C1QTNF7: variants seen among roughly 807,000 people sequenced by gnomAD.
C1QTNF7 encodes C1q and TNF related 7.
A neutral mutation model predicts 19.6 loss-of-function variants in C1QTNF7; 15 were observed. The ratio of observed to expected loss-of-function variants is 0.76; its 90% confidence interval spans 0.51 to 1.18. The LOEUF is 1.18. Among genes scored for constraint, C1QTNF7 ranks in the 50% most tolerant of loss-of-function variants. The probability of loss-of-function intolerance (pLI) is 0.00; values close to 1 mark genes in which losing one functional copy is unlikely to be tolerated. For missense variants in C1QTNF7, 324 were observed against 359.7 expected, an observed-to-expected ratio of 0.90 and a Z score of 0.80; for synonymous variants, 142 against 137.5, an observed-to-expected ratio of 1.03 and a Z score of -0.23.
chr4:15,356,364 C>G (rs1717147300), intron 1 of C1QTNF7, among the ~76,000 whole-genome samples: 1 of 148,740 alleles, frequency 6.7e-6, no homozygotes, highest in Non-Finnish European at 1.5e-5. Context: ...GTTTTCTGTT[C>G]CTGTGTTAGT....
chr4:15,410,228 A>T (rs1440008584), intron 1 of C1QTNF7, among the ~76,000 whole-genome samples: 2 of 152,160 alleles, frequency 1.3e-5, no homozygotes, highest in African/African-American at 4.8e-5. Context: ...TTATGTTTGC[A>T]TTTAATTTTT....
At chr4:15,420,826 C>CTTTTTTTTTTTTTTTTTTTT (rs61609914) in intron 1 of C1QTNF7, among the ~76,000 whole-genome samples, 2 of 66,242 alleles carry the variant, frequency 3.0e-5, no homozygotes, top group African/African-American at 1.2e-4. Flanking sequence ...ACTGCTTTGT[C>CTTTTTTTTTTTTTTTTTTTT]TTTTTTTTTT....
intron 1 of C1QTNF7, among the ~76,000 whole-genome samples, chr4:15,356,237 C>A (rs1297191500): frequency 6.6e-6 from 1 of 152,094 alleles, no homozygotes; most frequent in Non-Finnish European, 1.5e-5. Flanking sequence ...TCTCCGAATG[C>A]TATCCCTCCC....
chr4:15,424,204 A>G (rs1711931799), upstream of C1QTNF7, among the ~76,000 whole-genome samples: 2 of 152,152 alleles, frequency 1.3e-5, no homozygotes, highest in Non-Finnish European at 2.9e-5. Context: ...CAAATTTTCT[A>G]TTTTATATCC....
Position 15,419,397 on chromosome 4 carries a change from A to G in C1QTNF7, c.14-16339A>G, listed in dbSNP as rs371837061. Among the ~76,000 whole-genome samples the G allele has an allele frequency of 2.0e-5, 3 of 152,358 alleles. No individual in the cohort carries two copies. The South Asian group carries it at 6.2e-4, about 32-fold the overall frequency. On this transcript the variant is annotated intron_variant, in intron 1 of 2. Coordinates refer to the C1QTNF7 transcript ENST00000295297. ...ATTATTGTACAACTACTTGATGGAT[A>G]TCGTTTGGCCATTAATGGCTCCAAA...
In C1QTNF7 at chr4:15,360,052, C is replaced by A. The variant is rs777764378; in HGVS notation, c.13+19845C>A. Among the ~76,000 whole-genome samples the A allele has an allele frequency of 1.3e-4, 20 of 152,130 alleles. 1 individual carries two copies. The highest frequency in any genetic ancestry group is 2.2e-4 in the Non-Finnish European group (15 of 68,012). ...CCTGCTGTCTATGGCTTGCAATATT[C>A]TTGGATTTGGCTTCATCCATCAAGG... is the stretch of plus-strand genomic sequence containing the variant. On this transcript the variant is annotated intron_variant, in intron 1 of 2. Transcript: ENST00000295297.
intron 1 of C1QTNF7, among the ~76,000 whole-genome samples, chr4:15,407,501 C>A (rs1719235689): frequency 6.6e-6 from 1 of 152,152 alleles, no homozygotes; most frequent in Admixed American, 6.5e-5. Context: ...GTGGAGGACA[C>A]CTGGCCAGAG....
At chr4:15,356,947 T>G (rs1183227143) in intron 1 of C1QTNF7, among the ~76,000 whole-genome samples, 1 of 151,860 alleles carries the variant, frequency 6.6e-6, no homozygotes, top group Non-Finnish European at 1.5e-5. Flanking sequence ...AAAGTTGTTT[T>G]TTTTTTTTTT....
At chr4:15,417,201 G>A (rs1354080077) in intron 1 of C1QTNF7, among the ~76,000 whole-genome samples, 1 of 152,040 alleles carries the variant, frequency 6.6e-6, no homozygotes, top group Non-Finnish European at 1.5e-5. Flanking sequence ...ACCTTAAAAT[G>A]TACAATTCAG....
intron 1 of C1QTNF7, among the ~76,000 whole-genome samples, chr4:15,359,356 A>C (rs370609451): frequency 3.7e-4 from 56 of 152,252 alleles, no homozygotes; most frequent in African/African-American, 1.3e-3. Flanking sequence ...TGGGCCCATA[A>C]ATTATGTTGT....
At chr4:15,357,571 CT>C (rs1717190929) in intron 1 of C1QTNF7, among the ~76,000 whole-genome samples, 2 of 152,226 alleles carry the variant, frequency 1.3e-5, no homozygotes, top group Middle Eastern at 3.4e-3. Context: ...TATACGGGCT[CT>C]TTTTTGGTTC....
intron 1 of C1QTNF7, among the ~76,000 whole-genome samples, chr4:15,409,399 C>T (rs528992005): frequency 2.0e-5 from 3 of 152,294 alleles, no homozygotes; most frequent in Middle Eastern, 3.4e-3. Flanking sequence ...GAATGGGCCT[C>T]TGTATCTATC....
intron 1 of C1QTNF7, among the ~76,000 whole-genome samples, chr4:15,397,717 G>A (rs11946436): frequency 0.089 from 13,580 of 152,196 alleles, 927 homozygotes; most frequent in Admixed American, 0.2. Context: ...ACTTATGAAT[G>A]TGCTTTCTGA....
chr4:15,395,321 G>T (rs894550215), intron 1 of C1QTNF7, among the ~76,000 whole-genome samples: 9 of 152,162 alleles, frequency 5.9e-5, no homozygotes, highest in Non-Finnish European at 1.3e-4. Context: ...AGATGGTGGG[G>T]GGCGTGGACT....
At chr4:15,423,633 A>G (rs1560365791), upstream of C1QTNF7, among the ~76,000 whole-genome samples, 2 of 152,198 alleles carry the variant, frequency 1.3e-5, no homozygotes, top group Non-Finnish European at 2.9e-5. Flanking sequence ...ATAAGGACCA[A>G]AACCTCCCGT....
intron 1 of C1QTNF7, among the ~76,000 whole-genome samples, chr4:15,409,799 T>C (rs563493594): frequency 1.3e-5 from 2 of 152,304 alleles, no homozygotes; most frequent in African/African-American, 4.8e-5. Flanking sequence ...TAGGACCCAC[T>C]TACCAGAGTT....
At chr4:15,352,611 G>A (rs17470482) in intron 1 of C1QTNF7, among the ~76,000 whole-genome samples, 5,083 of 152,308 alleles carry the variant, frequency 0.033, 136 homozygotes, top group Middle Eastern at 0.082. Flanking sequence ...GCAAGGTTCA[G>A]ATTGTTTCAC....
chr4:15,358,911 G>A (rs1383994669), intron 1 of C1QTNF7, among the ~76,000 whole-genome samples: 1 of 152,134 alleles, frequency 6.6e-6, no homozygotes, highest in Non-Finnish European at 1.5e-5. Flanking sequence ...TGGGCTTATG[G>A]CACTCACAAG....
Position 15,420,826 on chromosome 4 carries a change from C to CTTTTTTTTT in C1QTNF7, c.14-14889_14-14881dup, listed in dbSNP as rs61609914. Among the ~76,000 whole-genome samples, 235 of 66,248 alleles carry CTTTTTTTTT rather than the reference C, an allele frequency of 3.5e-3. 23 individuals carry two copies. The highest frequency in any genetic ancestry group is 0.013 in the African/African-American group (215 of 16,204). The allele number at this position is 66,248 out of a possible 152,430, so 43.5% of individuals were successfully genotyped here. On this transcript the variant is annotated intron_variant, in intron 1 of 2. Coordinates refer to the C1QTNF7 transcript ENST00000295297. Reference sequence around the variant, plus strand: ...CTAGGGTAACATTCCACTGCTTTGTCTTTTTTTTTTTTTTTTTTTTTTTTT... The same window carrying CTTTTTTTTT: ...CTAGGGTAACATTCCACTGCTTTGTCTTTTTTTTTTTTTTTTTTTTTTTTTTTTTTTTTT...
Sources: gnomAD v4.1 joint callset for allele counts (sites outside exome capture counted in the v4.1 genomes callset) on GRCh38, gnomAD v4.1.1 for gene constraint, MANE v1.5 for transcripts, NCBI Gene and HGNC (gene_info 2026-07-23, HGNC 2026-07-21) for gene names.